Variants in CLIP1 observed in about 807,000 individuals in gnomAD.
The protein encoded by CLIP1 is CAP-Gly domain containing linker protein 1, also known as CAP-Gly domain-containing linker protein 1.
A neutral mutation model predicts 161.6 loss-of-function variants in CLIP1; 66 were observed. The ratio of observed to expected loss-of-function variants is 0.41; its 90% CI spans 0.33 to 0.50. CLIP1 has a LOEUF of 0.50. Ranked by LOEUF, CLIP1 falls within the 20% of genes least tolerant of loss-of-function variation. The pLI, the probability that CLIP1 is intolerant of heterozygous loss-of-function variation, is 0.27. For missense variants in CLIP1, 1,376 were observed against 1,702.0 expected, an observed-to-expected ratio of 0.81 and a Z score of 3.37; for synonymous variants, 598 against 626.2, an observed-to-expected ratio of 0.96 and a Z score of 0.67.
At chr12:122,414,104 T>TA (rs1366743302) in intron 1 of CLIP1, among the ~76,000 whole-genome samples, 1 of 152,174 alleles carries the variant, frequency 6.6e-6, no homozygotes, top group African/African-American at 2.4e-5. Flanking sequence ...TTGTACACTT[T>TA]AATATGTGTA....
chr12:122,308,578 C>T (rs1950959408), intron 20 of CLIP1, among the ~76,000 whole-genome samples: 1 of 152,190 alleles, frequency 6.6e-6, no homozygotes. Context: ...TGACACTAGT[C>T]GCCAAATGAT....
intron 3 of CLIP1, among the ~76,000 whole-genome samples, chr12:122,371,040 A>T (rs1411933179): frequency 6.6e-6 from 1 of 152,124 alleles, no homozygotes; most frequent in African/African-American, 2.4e-5. Context: ...CACCAGAAGC[A>T]GTCTTTTATA....
chr12:122,291,145 A>ATG (rs1399472336), intron 20 of CLIP1, among the ~76,000 whole-genome samples: 1 of 144,384 alleles, frequency 6.9e-6, no homozygotes, highest in Admixed American at 6.9e-5. Flanking sequence ...CACCCGCCTC[A>ATG]GCCACCCGAA....
At chr12:122,405,654 G>A (rs953424228) in intron 1 of CLIP1, among the ~76,000 whole-genome samples, 5 of 151,560 alleles carry the variant, frequency 3.3e-5, no homozygotes, top group Non-Finnish European at 7.4e-5. Context: ...CAGGTGTGGT[G>A]GTACACACCT....
chr12:122,418,053 C>T (rs1460309270), intron 1 of CLIP1, among the ~76,000 whole-genome samples: 3 of 152,018 alleles, frequency 2.0e-5, no homozygotes, highest in Admixed American at 1.3e-4. Context: ...TTATACTTTC[C>T]CTTCTCTGAT....
chr12:122,414,833 A>C (rs1319068513), intron 1 of CLIP1, among the ~76,000 whole-genome samples: 1 of 152,106 alleles, frequency 6.6e-6, no homozygotes, highest in Non-Finnish European at 1.5e-5. Context: ...TCAAATGCCA[A>C]CTTAAAGCAT....
chr12:122,404,926 A>AAC (rs1956276150), intron 1 of CLIP1, among the ~76,000 whole-genome samples: 1 of 151,420 alleles, frequency 6.6e-6, no homozygotes, highest in African/African-American at 2.4e-5. Context: ...ACAAAAAAAA[A>AAC]CCAACATGGT....
At chr12:122,287,115 C>G (rs543021328) in intron 21 of CLIP1, among the ~76,000 whole-genome samples, 1 of 151,766 alleles carries the variant, frequency 6.6e-6, no homozygotes, top group African/African-American at 2.4e-5. Flanking sequence ...TTGAGGCTGC[C>G]GTAAGCCATG....
chr12:122,294,051 C>T (rs767611620), intron 20 of CLIP1, among the ~76,000 whole-genome samples: 4 of 151,166 alleles, frequency 2.6e-5, no homozygotes, highest in Non-Finnish European at 5.9e-5. Flanking sequence ...AACAACTTTA[C>T]TCAAAATACC....
At chr12:122,391,923 CTCAGA>C (rs776889055) in intron 1 of CLIP1, among the ~76,000 whole-genome samples, 5 of 152,178 alleles carry the variant, frequency 3.3e-5, no homozygotes, top group Non-Finnish European at 5.9e-5. Context: ...TCATTTTCCT[CTCAGA>C]TATCACTTCT....
intron 3 of CLIP1, among the ~76,000 whole-genome samples, chr12:122,371,633 AGAT>A (rs1954456708): frequency 6.6e-6 from 1 of 152,310 alleles, no homozygotes; most frequent in African/African-American, 2.4e-5. Flanking sequence ...GTCCAGGTAA[AGAT>A]GATGATGGCC....
At chr12:122,281,998 G>A (rs1335224147) in intron 21 of CLIP1, among the ~76,000 whole-genome samples, 1 of 152,126 alleles carries the variant, frequency 6.6e-6, no homozygotes, top group African/African-American at 2.4e-5. Context: ...AGGGACAGGT[G>A]CCCTTCTCTG....
chr12:122,384,659 G>A (rs981581281), intron 1 of CLIP1, among the ~76,000 whole-genome samples: 2 of 151,920 alleles, frequency 1.3e-5, no homozygotes, highest in African/African-American at 4.8e-5. Context: ...TACTCAGGAG[G>A]CTGAGGTGGG....
chr12:122,293,002 C>CAAAAAAAAAAAAAAAAA lies in CLIP1; in HGVS notation c.3595-4478_3595-4462dup, dbSNP rs57326141. On this transcript the variant is annotated intron_variant, in intron 20 of 25. Coordinates refer to ENST00000620786, the MANE Select transcript of CLIP1 (RefSeq NM_001247997.2). The stretch of plus-strand genomic sequence containing the variant: ...TGGGCAAAAGAGCAAGACTCTGTCT[C>CAAAAAAAAAAAAAAAAA]AAAAAAAAAAAAAAAAAAAAGGCAA... Among the ~76,000 whole-genome samples, 115 of 43,544 alleles carry CAAAAAAAAAAAAAAAAA rather than the reference C, an allele frequency of 2.6e-3. 4 individuals are homozygous for CAAAAAAAAAAAAAAAAA. The highest frequency in any genetic ancestry group is 0.013 in the African/African-American group (111 of 8,792). The allele number at this position is 43,544 out of a possible 152,430, so 28.6% of individuals were successfully genotyped here. A position where few individuals can be genotyped will look rare whatever the true frequency, so the allele number is the denominator to read the frequency against.
chr12:122,358,436 T>C (rs1163400938), intron 5 of CLIP1, among the ~76,000 whole-genome samples: 1 of 94,882 alleles, frequency 1.1e-5, no homozygotes, highest in Non-Finnish European at 2.1e-5. Context: ...AATGAACAAT[T>C]AAAAAAAAAA....
intron 9 of CLIP1, among the ~76,000 whole-genome samples, chr12:122,348,974 A>G (rs1178511058): frequency 1.3e-5 from 2 of 152,056 alleles, no homozygotes; most frequent in African/African-American, 4.8e-5. Context: ...CCATGATGAG[A>G]TATTTAAAAG....
chr12:122,378,168 C>T (rs1158518554), intron 2 of CLIP1, among the ~76,000 whole-genome samples: 5 of 151,498 alleles, frequency 3.3e-5, no homozygotes, highest in African/African-American at 1.2e-4. Context: ...CTCACTGCAA[C>T]CTCCACCTTC....
At chr12:122,312,892 G>T (rs973054639) in intron 19 of CLIP1, among the ~76,000 whole-genome samples, 4 of 152,142 alleles carry the variant, frequency 2.6e-5, no homozygotes, top group Admixed American at 2.6e-4. Context: ...GTTAAACCAC[G>T]GAAGAAGTAA....
At chr12:122,369,553 T>C (rs950631565) in intron 3 of CLIP1, among the ~76,000 whole-genome samples, 3 of 151,800 alleles carry the variant, frequency 2.0e-5, no homozygotes, top group African/African-American at 7.3e-5. Flanking sequence ...TCCTAAGTGT[T>C]GTGGGTGTGA....
Sources: gnomAD v4.1 joint callset for allele counts (sites outside exome capture counted in the v4.1 genomes callset) on GRCh38, gnomAD v4.1.1 for gene constraint, MANE v1.5 for transcripts, NCBI Gene and HGNC (gene_info 2026-07-23, HGNC 2026-07-21) for gene names.